ZNF512: variants seen among roughly 807,000 people sequenced by gnomAD.
The protein encoded by ZNF512 is zinc finger protein 512.
A neutral mutation model predicts 77.5 loss-of-function variants in ZNF512; 25 were observed. That is an observed-to-expected ratio of 0.32 (90% CI 0.23 to 0.45). The LOEUF is 0.45. Ranked by LOEUF, ZNF512 falls within the 20% of genes least tolerant of loss-of-function variation. The probability of loss-of-function intolerance (pLI) is 1.00; values close to 1 mark genes in which losing one functional copy is unlikely to be tolerated. For synonymous variants in ZNF512, 246 were observed against 239.9 expected (o/e 1.03, Z -0.24); for missense variants, 483 against 692.6 (o/e 0.70, Z 3.40).
chr2:27,592,766 A>G (rs1161886482), intron 2 of ZNF512, among the ~76,000 whole-genome samples: 5 of 132,982 alleles, frequency 3.8e-5, no homozygotes, highest in African/African-American at 1.4e-4. Flanking sequence ...GCTCACCACA[A>G]CCTCTGCCTC....
At chr2:27,607,795 G>A (rs1672437554) in intron 9 of ZNF512, 50 bp from the exon 10 acceptor site, 2 of 1,585,546 alleles carry the variant, frequency 1.3e-6, no homozygotes, top group Middle Eastern at 1.8e-4. Context: ...CACTGGCTGT[G>A]ATGGATGCCA....
intron 2 of ZNF512, among the ~76,000 whole-genome samples, chr2:27,584,734 A>G (rs1189850983): frequency 6.6e-6 from 1 of 152,212 alleles, no homozygotes; most frequent in Admixed American, 6.5e-5. Context: ...CAGAACAGAG[A>G]ACAGCATGTG....
chr2:27,583,466 T>A, intron 1 of ZNF512, 192 bp from the exon 2 acceptor site: 1 of 1,459,052 alleles, frequency 6.9e-7, no homozygotes, highest in Non-Finnish European at 9.0e-7. Context: ...AGACGAAGGC[T>A]CTGGTATTGT....
chr2:27,587,615 T>C (rs891241461), intron 2 of ZNF512, among the ~76,000 whole-genome samples: 11 of 151,784 alleles, frequency 7.2e-5, no homozygotes, highest in Admixed American at 3.3e-4. Context: ...TGAATAATAA[T>C]GTTGAGCATC....
At chr2:27,615,143 T>A (rs1672831858) in intron 10 of ZNF512, 25 bp from the exon 11 acceptor site, 1 of 1,422,758 alleles carries the variant, frequency 7.0e-7, no homozygotes, top group East Asian at 2.3e-5. Flanking sequence ...ATTTATCTAA[T>A]GTTTCTGGTT....
intron 10 of ZNF512, among the ~76,000 whole-genome samples, chr2:27,614,717 T>C (rs537020485): frequency 1.3e-5 from 2 of 151,902 alleles, no homozygotes; most frequent in South Asian, 2.1e-4. Context: ...AATACCACTG[T>C]TAATATTTTG....
chr2:27,584,152 A>G (rs1295651826), intron 2 of ZNF512, among the ~76,000 whole-genome samples: 2 of 151,780 alleles, frequency 1.3e-5, no homozygotes, highest in Non-Finnish European at 2.9e-5. Context: ...GTGTAGGTCT[A>G]AGTCTAGTGT....
rs1049350756 is a variant in ZNF512, at chr2:27,609,635, G to A, written c.1131+1596G>A. On this transcript the variant is annotated intron_variant, in intron 10 of 13. Coordinates refer to ENST00000355467, the MANE Select transcript of ZNF512 (RefSeq NM_032434.4). ...TGTAATCCCAGCAATTTAGGAGGCC[G>A]TGGTGGGCCGATCATCTGAGGTCAG... 1.4e-4 allele frequency among the ~76,000 whole-genome samples: 22 copies of A among 152,306 alleles called. No individual in the cohort carries two copies. The South Asian group carries it at 1.7e-3, about 11-fold the overall frequency.
intron 12 of ZNF512, among the ~76,000 whole-genome samples, chr2:27,616,656 G>C (rs1338701408): frequency 6.6e-6 from 1 of 152,206 alleles, no homozygotes; most frequent in Non-Finnish European, 1.5e-5. Context: ...GCCCTGTTTA[G>C]GTGGGCCTAA....
chr2:27,601,814 G>A (rs1173617396), intron 7 of ZNF512, among the ~76,000 whole-genome samples: 1 of 152,136 alleles, frequency 6.6e-6, no homozygotes, highest in Admixed American at 6.6e-5. Flanking sequence ...ACACCTGGCT[G>A]ATTTTGTATT....
chr2:27,590,333 T>C (rs1469523937), intron 2 of ZNF512, among the ~76,000 whole-genome samples: 1 of 152,200 alleles, frequency 6.6e-6, no homozygotes, highest in Non-Finnish European at 1.5e-5. Flanking sequence ...GTACTCTTTG[T>C]CTTGAAGTCT....
chr2:27,601,538 G>C (rs1440465531), intron 7 of ZNF512, 96 bp downstream of exon 7: 3 of 1,007,288 alleles, frequency 3.0e-6, no homozygotes, highest in Admixed American at 2.1e-5. Context: ...GCAGTGGCAC[G>C]ATCTCGGCTT....
At chr2:27,591,445 C>T (rs1273304424) in intron 2 of ZNF512, among the ~76,000 whole-genome samples, 18 of 152,120 alleles carry the variant, frequency 1.2e-4, no homozygotes, top group Admixed American at 1.2e-3. Flanking sequence ...GAGACAGAGT[C>T]TCGCTCTGTC....
chr2:27,600,541 T>A (rs1382702094), intron 5 of ZNF512, 150 bp from the exon 6 acceptor site: 6 of 854,632 alleles, frequency 7.0e-6, no homozygotes, highest in Non-Finnish European at 1.0e-5. Context: ...ATACTACTTT[T>A]AGAAGTTATA....
chr2:27,603,591 T>TGTGTGTGTGTGTGTGTGTGTG (rs772409987), intron 9 of ZNF512, among the ~76,000 whole-genome samples: 6 of 87,204 alleles, frequency 6.9e-5, no homozygotes, highest in African/African-American at 1.3e-4. Flanking sequence ...TGTGTGTATA[T>TGTGTGTGTGTGTGTGTGTGTG]TTTTTTTTTT....
chr2:27,608,896 G>A (rs1672481413), intron 10 of ZNF512, among the ~76,000 whole-genome samples: 3 of 151,968 alleles, frequency 2.0e-5, no homozygotes, highest in Admixed American at 2.0e-4. Context: ...GTATCATGAG[G>A]TCAAGAGATC....
At chr2:27,609,502 G>C (rs1361834853) in intron 10 of ZNF512, among the ~76,000 whole-genome samples, 1 of 152,138 alleles carries the variant, frequency 6.6e-6, no homozygotes, top group Non-Finnish European at 1.5e-5. Context: ...GGCTGAGGTG[G>C]GTGAAACACG....
intron 9 of ZNF512, among the ~76,000 whole-genome samples, chr2:27,605,027 A>T (rs1023847112): frequency 8.6e-5 from 13 of 151,842 alleles, no homozygotes; most frequent in Non-Finnish European, 1.9e-4. Context: ...TCATTAGTTT[A>T]TTCCTTTTTT....
In ZNF512 at chr2:27,603,207, C is replaced by A; in HGVS notation, c.836C>A (p.Ala279Asp). The A allele has an allele frequency of 6.2e-7, 1 of 1,614,194 alleles. No homozygotes were observed. The highest frequency in any genetic ancestry group is 8.5e-7 in the Non-Finnish European group (1 of 1,180,028). Residue 279 changes from alanine (A) to aspartate (D), a missense_variant, in exon 9 of 14, where the codon GCT becomes GAT. Physicochemically the swap from Ala to Asp is moderately radical, Grantham distance 126. Around this residue, in one of 2 missense-constraint regions of ZNF512, gnomAD observed 324 missense variants for 525.0 expected, o/e 0.62. Transcript: ENST00000355467. ...LYHVRKCGKGAAELEKMTLKC... is the reference protein window; with the variant it reads ...LYHVRKCGKGDAELEKMTLKC... ...CATGTCAGAAAATGTGGCAAAGGGG[C>A]TGCAGAGCTGGAAAAGATGACCCTG... is the stretch of plus-strand genomic sequence containing the variant.
Sources: gnomAD v4.1 joint callset for allele counts (sites outside exome capture counted in the v4.1 genomes callset) on GRCh38, gnomAD v4.1.1 for gene constraint, gnomAD v4.1.1 regional missense constraint, MANE v1.5 for transcripts, NCBI Gene and HGNC (gene_info 2026-07-23, HGNC 2026-07-21) for gene names.